SPHKAP: variants seen among roughly 807,000 people sequenced by gnomAD.
The protein encoded by SPHKAP is A-kinase anchor protein SPHKAP.
Under a neutral mutation model 137.5 loss-of-function variants are expected in SPHKAP, and 67 were observed. That is an observed-to-expected ratio of 0.49 (90% confidence interval 0.40 to 0.60). The LOEUF is 0.60. SPHKAP is among the 20% of genes least tolerant of loss of function. The pLI is 0.00. For synonymous variants in SPHKAP, 813 were observed against 785.3 expected (o/e 1.04, Z -0.59); for missense variants, 2,097 against 2,069.3 (o/e 1.01, Z -0.26).
chr2:228,114,868 G>A (rs762830311), intron 2 of SPHKAP, among the ~76,000 whole-genome samples: 2 of 152,048 alleles, frequency 1.3e-5, no homozygotes, highest in East Asian at 1.9e-4. Flanking sequence ...TATTAAGAGC[G>A]ATAACTCTTC....
intron 1 of SPHKAP, among the ~76,000 whole-genome samples, chr2:228,176,185 A>G (rs1376152027): frequency 6.6e-6 from 1 of 152,344 alleles, no homozygotes; most frequent in African/African-American, 2.4e-5. Flanking sequence ...TCTTCTTTAC[A>G]AAAGAGTTTC....
chr2:228,137,116 C>T (rs1008057553), intron 1 of SPHKAP, among the ~76,000 whole-genome samples: 6 of 152,140 alleles, frequency 3.9e-5, no homozygotes, highest in African/African-American at 1.4e-4. Context: ...AAGTGAGACA[C>T]TCTTCTTGTG....
chr2:228,131,957 A>G (rs779179892), intron 2 of SPHKAP, 23 bp downstream of exon 2: 2 of 1,609,262 alleles, frequency 1.2e-6, no homozygotes, highest in Non-Finnish European at 8.5e-7. Context: ...TGACAAGAAG[A>G]AAGTGGCGTA....
At chr2:228,139,172 A>G (rs1699518546) in intron 1 of SPHKAP, among the ~76,000 whole-genome samples, 1 of 152,170 alleles carries the variant, frequency 6.6e-6, no homozygotes, top group Non-Finnish European at 1.5e-5. Flanking sequence ...ATTTGTAAAT[A>G]TCAACAGCGG....
At chr2:228,138,793 GA>G (rs1699508518) in intron 1 of SPHKAP, among the ~76,000 whole-genome samples, 1 of 152,080 alleles carries the variant, frequency 6.6e-6, no homozygotes, top group Non-Finnish European at 1.5e-5. Flanking sequence ...TAAACTTCAA[GA>G]AAACCCCTTA....
intron 3 of SPHKAP, among the ~76,000 whole-genome samples, chr2:228,106,594 G>C (rs928483911): frequency 3.3e-5 from 5 of 152,022 alleles, no homozygotes; most frequent in African/African-American, 9.7e-5. Context: ...TTGCATGCTG[G>C]TGTGGAGAAC....
intron 3 of SPHKAP, among the ~76,000 whole-genome samples, chr2:228,067,921 T>C (rs1437140391): frequency 6.6e-6 from 1 of 152,076 alleles, no homozygotes; most frequent in Non-Finnish European, 1.5e-5. Context: ...GTATCCAAAC[T>C]GGAAAGGAAA....
chr2:228,044,660 A>G (rs1695969294), intron 3 of SPHKAP, among the ~76,000 whole-genome samples: 1 of 152,218 alleles, frequency 6.6e-6, no homozygotes, highest in Non-Finnish European at 1.5e-5. Flanking sequence ...ATGAATAAAT[A>G]CATAGAAAAA....
At chr2:228,109,001 C>T in intron 2 of SPHKAP, 62 bp from the exon 3 acceptor site, 1 of 1,015,760 alleles carries the variant, frequency 9.8e-7, no homozygotes. Context: ...AACAGCAGCT[C>T]TCTCTCTTTT....
rs866291253 is a variant in SPHKAP, at chr2:228,016,935, G to A, written c.3919C>T (p.His1307Tyr). 1 of 1,614,134 alleles carries A rather than the reference G, an allele frequency of 6.2e-7. No individual in the cohort carries two copies. The stretch of plus-strand genomic sequence containing the variant: ...TCAATGGAGCTAGCCCACGTTTCAT[G>A]AATTAACATGTTGGTGATGTGGTCA... ...GTDHITNMLI[H>Y]ETWASSIEAL... Residue 1307 changes from histidine to tyrosine, a missense_variant, in exon 7 of 12, where the codon CAT becomes TAT. Physicochemically the swap from His to Tyr is moderately conservative, Grantham distance 83. Transcript: ENST00000392056.
chr2:228,015,388 T>G (rs13394669), intron 7 of SPHKAP, among the ~76,000 whole-genome samples: 78,789 of 149,900 alleles, frequency 0.53, 20,906 homozygotes, highest in South Asian at 0.67. Context: ...ACATACGTGT[T>G]CATGTGTCTT....
chr2:228,157,117 A>G (rs187742419), intron 1 of SPHKAP, among the ~76,000 whole-genome samples: 13 of 152,298 alleles, frequency 8.5e-5, no homozygotes, highest in African/African-American at 3.1e-4. Context: ...AAATAAAAGT[A>G]AAATATGTAA....
intron 1 of SPHKAP, among the ~76,000 whole-genome samples, chr2:228,175,281 G>T (rs1403235443): frequency 1.3e-5 from 2 of 149,740 alleles, no homozygotes; most frequent in Non-Finnish European, 3.0e-5. Flanking sequence ...GTCAGAAATG[G>T]AATAAATGAA....
chr2:228,070,730 TG>T (rs753636539), intron 3 of SPHKAP, among the ~76,000 whole-genome samples: 5 of 152,184 alleles, frequency 3.3e-5, no homozygotes, highest in Non-Finnish European at 5.9e-5. Context: ...ATAACAACGA[TG>T]GCATCTTCAG....
intron 3 of SPHKAP, among the ~76,000 whole-genome samples, chr2:228,088,718 T>C (rs1697621034): frequency 6.6e-6 from 1 of 152,150 alleles, no homozygotes; most frequent in Non-Finnish European, 1.5e-5. Context: ...TCAGTTTATA[T>C]GAGATCTGGT....
At chr2:228,058,449 T>C (rs1696522421) in intron 3 of SPHKAP, among the ~76,000 whole-genome samples, 1 of 152,196 alleles carries the variant, frequency 6.6e-6, no homozygotes, top group Non-Finnish European at 1.5e-5. Context: ...TGTACTCTGC[T>C]TGTCAACCCT....
chr2:228,100,893 A>G (rs892988065), intron 3 of SPHKAP, among the ~76,000 whole-genome samples: 1 of 151,990 alleles, frequency 6.6e-6, no homozygotes, highest in Non-Finnish European at 1.5e-5. Context: ...CTACTCCTTT[A>G]TTTTTTGGAG....
intron 11 of SPHKAP, among the ~76,000 whole-genome samples, chr2:227,984,571 C>T (rs1273706442): frequency 6.6e-6 from 1 of 152,094 alleles, no homozygotes; most frequent in African/African-American, 2.4e-5. Flanking sequence ...AAGATCCAAG[C>T]CATGATTTTG....
chr2:228,147,589 G>A (rs375130297), intron 1 of SPHKAP, among the ~76,000 whole-genome samples: 7 of 152,128 alleles, frequency 4.6e-5, no homozygotes, highest in East Asian at 1.9e-4. Context: ...CTTGGGTCCC[G>A]ACTGTCACTT....
Sources: gnomAD v4.1 joint callset for allele counts (sites outside exome capture counted in the v4.1 genomes callset) on GRCh38, gnomAD v4.1.1 for gene constraint, MANE v1.5 for transcripts, NCBI Gene and HGNC (gene_info 2026-07-23, HGNC 2026-07-21) for gene names.